The following CDH4 variants were observed in gnomAD, a reference collection of about 807,000 sequenced individuals.
CDH4 encodes the protein cadherin 4.
In CDH4, 33 loss-of-function variants were observed where a neutral mutation model predicts 86.0. The ratio of observed to expected loss-of-function variants is 0.38; its 90% CI spans 0.29 to 0.51. CDH4 has a LOEUF of 0.51. Among genes scored for constraint, CDH4 ranks in the 20% least tolerant of loss-of-function variants. CDH4 has a pLI of 0.86. For synonymous variants in CDH4, 555 were observed against 549.4 expected (o/e 1.01, Z -0.14); for missense variants, 1,114 against 1,307.4 (o/e 0.85, Z 2.28).
intron 2 of CDH4, among the ~76,000 whole-genome samples, chr20:61,553,435 G>A (rs552881774): frequency 2.9e-4 from 44 of 152,328 alleles, no homozygotes; most frequent in African/African-American, 9.1e-4. Flanking sequence ...TACAGTATGC[G>A]AAGTGTATCT....
chr20:61,918,464 G>C (rs1035657883), intron 9 of CDH4, among the ~76,000 whole-genome samples: 5 of 152,168 alleles, frequency 3.3e-5, no homozygotes, highest in Non-Finnish European at 7.4e-5. Context: ...TGTGCTGGAC[G>C]CTGGGGAGGC....
At chr20:61,302,016 T>G (rs761766049) in intron 2 of CDH4, among the ~76,000 whole-genome samples, 1 of 152,260 alleles carries the variant, frequency 6.6e-6, no homozygotes, top group East Asian at 1.9e-4. Flanking sequence ...GGTAGACTTA[T>G]GTATAATTAA....
chr20:61,837,454 A>G (rs1448791907), intron 4 of CDH4, among the ~76,000 whole-genome samples: 2 of 152,192 alleles, frequency 1.3e-5, no homozygotes, highest in African/African-American at 4.8e-5. Flanking sequence ...AACCTTCGTC[A>G]CATCCCTCAG....
intron 2 of CDH4, among the ~76,000 whole-genome samples, chr20:61,489,391 A>G (rs2085613653): frequency 6.6e-6 from 1 of 152,246 alleles, no homozygotes; most frequent in Non-Finnish European, 1.5e-5. Context: ...CACCTACTCT[A>G]TGGCCCAGTA....
intron 2 of CDH4, among the ~76,000 whole-genome samples, chr20:61,729,119 AG>A (rs57044819): frequency 0.41 from 61,564 of 151,674 alleles, 13,910 homozygotes; most frequent in South Asian, 0.59. Context: ...CGCTGACTGC[AG>A]CGTGTTTTGA....
chr20:61,653,227 A>T (rs1255960917), intron 2 of CDH4, among the ~76,000 whole-genome samples: 1 of 131,548 alleles, frequency 7.6e-6, no homozygotes, highest in Admixed American at 7.6e-5. Context: ...GACGCAGCAC[A>T]TGTTTCAGAG....
chr20:61,447,518 G>A (rs1386407818), intron 2 of CDH4, among the ~76,000 whole-genome samples: 1 of 151,562 alleles, frequency 6.6e-6, no homozygotes, highest in Non-Finnish European at 1.5e-5. Context: ...GTATTTGGAA[G>A]TCATGCTTTT....
chr20:61,444,770 T>G (rs1433099486), intron 2 of CDH4, among the ~76,000 whole-genome samples: 2 of 152,134 alleles, frequency 1.3e-5, no homozygotes, highest in African/African-American at 4.8e-5. Context: ...TTTGTGTGTT[T>G]CTGCATGTGT....
chr20:61,924,284 G>T (rs1568891304), intron 10 of CDH4, 50 bp from the exon 11 acceptor site: 1 of 1,562,552 alleles, frequency 6.4e-7, no homozygotes, highest in Admixed American at 1.7e-5. Flanking sequence ...ATCCAGGGCA[G>T]CCCCGCCCAC....
At position 61,362,641 on chromosome 20, in the gene CDH4, G is replaced by A. The variant is rs948694837; in HGVS notation, c.169+107704G>A. 3.3e-5 allele frequency among the ~76,000 whole-genome samples: 5 copies of A among 152,164 alleles called. No individual in the cohort carries two copies. The South Asian group carries it at 1.0e-3, about 31-fold the overall frequency. On this transcript the variant is annotated intron_variant, in intron 2 of 15. Coordinates refer to ENST00000614565, the MANE Select transcript of CDH4 (RefSeq NM_001794.5). ...GAAGTGGTGAGATTCAGCGGGTCAG[G>A]ATGGGGGAGCAAAGGGGACTTGAGG...
At chr20:61,497,587 GAAC>G (rs2145595804) in intron 2 of CDH4, among the ~76,000 whole-genome samples, 1 of 152,308 alleles carries the variant, frequency 6.6e-6, no homozygotes, top group African/African-American at 2.4e-5. Flanking sequence ...GGAGAAATAG[GAAC>G]ACTTTTACAC....
chr20:61,714,336 A>T (rs2087929219), intron 2 of CDH4, among the ~76,000 whole-genome samples: 2 of 152,042 alleles, frequency 1.3e-5, no homozygotes, highest in Non-Finnish European at 2.9e-5. Flanking sequence ...GTGAGCCACC[A>T]CGCCGAGAAC....
chr20:61,745,645 G>T (rs2088405048), intron 3 of CDH4, among the ~76,000 whole-genome samples: 1 of 152,034 alleles, frequency 6.6e-6, no homozygotes, highest in African/African-American at 2.4e-5. Flanking sequence ...ATTATTACAA[G>T]CCACGCCCTG....
At chr20:61,562,250 GGA>G (rs10633942) in intron 2 of CDH4, among the ~76,000 whole-genome samples, 6 of 38,850 alleles carry the variant, frequency 1.5e-4, no homozygotes, top group South Asian at 1.2e-3. Context: ...CAGGGCTCCC[GGA>G]GAGAGAGGGA....
chr20:61,460,221 C>T (rs560264295), intron 2 of CDH4, among the ~76,000 whole-genome samples: 4 of 152,318 alleles, frequency 2.6e-5, no homozygotes, highest in South Asian at 2.1e-4. Flanking sequence ...TGCCCACTGT[C>T]GGACTTTTCA....
At chr20:61,642,586 G>C (rs2427219) in intron 2 of CDH4, among the ~76,000 whole-genome samples, 93,935 of 151,850 alleles carry the variant, frequency 0.62, 29,420 homozygotes, top group African/African-American at 0.71. Context: ...CGAACCGCAT[G>C]ATCCTTAAGA....
intron 4 of CDH4, among the ~76,000 whole-genome samples, chr20:61,831,228 A>G (rs530073515): frequency 8.5e-5 from 13 of 152,234 alleles, no homozygotes; most frequent in Non-Finnish European, 1.9e-4. Context: ...CATGCCCTGC[A>G]CTTGAGGATA....
intron 4 of CDH4, among the ~76,000 whole-genome samples, chr20:61,796,401 GT>G (rs1483012778): frequency 6.6e-6 from 1 of 152,128 alleles, no homozygotes; most frequent in African/African-American, 2.4e-5. Context: ...CTCAGCTTGG[GT>G]TATCACCTTC....
intron 2 of CDH4, among the ~76,000 whole-genome samples, chr20:61,383,176 T>G: frequency 1.2e-5 from 1 of 86,256 alleles, no homozygotes; most frequent in South Asian, 2.7e-4. Flanking sequence ...TATGAATATA[T>G]TTATGAATAT....
Sources: gnomAD v4.1 joint callset for allele counts (sites outside exome capture counted in the v4.1 genomes callset) on GRCh38, gnomAD v4.1.1 for gene constraint, MANE v1.5 for transcripts, NCBI Gene and HGNC (gene_info 2026-07-23, HGNC 2026-07-21) for gene names.